Variants in ULK4 observed in about 807,000 individuals in gnomAD.
ULK4 encodes the protein inactive serine/threonine-protein kinase ULK4.
Under a neutral mutation model 160.6 loss-of-function variants are expected in ULK4, and 133 were observed. That is an observed-to-expected ratio of 0.83 (90% CI 0.72 to 0.96). ULK4 has a LOEUF of 0.96. Ranked by LOEUF, ULK4 falls within the 40% of genes least tolerant of loss-of-function variation. ULK4 has a pLI of 0.00. For synonymous variants in ULK4, 534 were observed against 539.8 expected, an observed-to-expected ratio of 0.99 and a Z score of 0.15; for missense variants, 1,580 against 1,499.5, an observed-to-expected ratio of 1.05 and a Z score of -0.89.
chr3:41,935,390 C>T (rs1418336086), intron 4 of ULK4, among the ~76,000 whole-genome samples: 3 of 151,930 alleles, frequency 2.0e-5, no homozygotes, highest in African/African-American at 7.3e-5. Flanking sequence ...CCACGCCCAG[C>T]TAAATTTGTA....
rs566283778 is a variant in ULK4 at position 41,373,034 on chromosome 3, G to C, written c.3678+25045C>G. ...CCTTTAAACAAACAACAACAAAAAAGACAATGAAGGGCATTATGTAATAGT... is the reference window on the plus strand; with the variant it reads ...CCTTTAAACAAACAACAACAAAAAACACAATGAAGGGCATTATGTAATAGT... On this transcript the variant is annotated intron_variant, in intron 35 of 36. Transcript: ENST00000301831. Among the ~76,000 whole-genome samples, 21 of 152,152 alleles carry C rather than the reference G, an allele frequency of 1.4e-4. No homozygotes were observed. In the East Asian group the frequency reaches 3.1e-3, roughly 22 times the overall value.
intron 34 of ULK4, among the ~76,000 whole-genome samples, chr3:41,401,777 AT>A (rs1251892761): frequency 1.3e-5 from 2 of 152,132 alleles, no homozygotes; most frequent in Non-Finnish European, 2.9e-5. Context: ...CAAGGGATAC[AT>A]TTGGCATACA....
At chr3:41,543,078 GT>G (rs1188093595) in intron 32 of ULK4, among the ~76,000 whole-genome samples, 2 of 152,068 alleles carry the variant, frequency 1.3e-5, no homozygotes, top group Non-Finnish European at 2.9e-5. Flanking sequence ...CCCAAAGCAA[GT>G]AATATTTTTC....
chr3:41,480,513 C>T (rs1390172448), intron 32 of ULK4, among the ~76,000 whole-genome samples: 1 of 152,106 alleles, frequency 6.6e-6, no homozygotes, highest in Non-Finnish European at 1.5e-5. Flanking sequence ...CCTCAGTCTA[C>T]TCAATGTGAA....
intron 32 of ULK4, among the ~76,000 whole-genome samples, chr3:41,496,543 G>A (rs1400698379): frequency 6.6e-6 from 1 of 152,042 alleles, no homozygotes; most frequent in Non-Finnish European, 1.5e-5. Context: ...GTAAGAGCTT[G>A]AAGTTGGAGT....
chr3:41,316,585 T>G (rs193301879), intron 35 of ULK4, among the ~76,000 whole-genome samples: 26 of 152,192 alleles, frequency 1.7e-4, no homozygotes, highest in Admixed American at 1.6e-3. Context: ...GGCATAAAGA[T>G]GGGAACAACA....
intron 34 of ULK4, among the ~76,000 whole-genome samples, chr3:41,445,082 GACAA>G (rs1339183248): frequency 1.3e-5 from 2 of 152,076 alleles, no homozygotes; most frequent in Admixed American, 1.3e-4. Context: ...ACCAATAACA[GACAA>G]ACAGAGAGCC....
intron 16 of ULK4, among the ~76,000 whole-genome samples, chr3:41,893,753 G>T (rs1353594909): frequency 6.6e-6 from 1 of 151,756 alleles, no homozygotes; most frequent in Non-Finnish European, 1.5e-5. Flanking sequence ...TTTACAATAC[G>T]TAATATATAT....
At chr3:41,595,028 A>C (rs566444243) in intron 31 of ULK4, among the ~76,000 whole-genome samples, 1 of 152,338 alleles carries the variant, frequency 6.6e-6, no homozygotes, top group Non-Finnish European at 1.5e-5. Flanking sequence ...AGGAAGGGCA[A>C]TGAGTGCAGG....
intron 29 of ULK4, among the ~76,000 whole-genome samples, chr3:41,666,523 C>T (rs925434031): frequency 5.9e-5 from 9 of 152,184 alleles, no homozygotes; most frequent in Non-Finnish European, 1.0e-4. Flanking sequence ...TCTTCCACTG[C>T]TTACCAGTAT....
At chr3:41,755,322 G>C (rs372374768) in intron 21 of ULK4, among the ~76,000 whole-genome samples, 1 of 151,972 alleles carries the variant, frequency 6.6e-6, no homozygotes, top group East Asian at 1.9e-4. Context: ...TTTCTATTTG[G>C]TGCTATGTTT....
chr3:41,374,836 G>A (rs1033706943), intron 35 of ULK4, among the ~76,000 whole-genome samples: 1 of 152,156 alleles, frequency 6.6e-6, no homozygotes, highest in African/African-American at 2.4e-5. Flanking sequence ...AGGAAGAGAG[G>A]AAGTCAAATT....
At chr3:41,376,618 T>A (rs1447303864) in intron 35 of ULK4, among the ~76,000 whole-genome samples, 1 of 145,528 alleles carries the variant, frequency 6.9e-6, no homozygotes, top group Non-Finnish European at 1.5e-5. Context: ...TGAACTCCCA[T>A]TCACAATTGC....
intron 36 of ULK4, 92 bp downstream of exon 36, chr3:41,249,397 G>GGAGGGAGAT (rs1315285016): frequency 8.4e-7 from 1 of 1,189,308 alleles, no homozygotes; most frequent in Non-Finnish European, 1.2e-6. Context: ...TCCCTGGTGT[G>GGAGGGAGAT]GAGGGAGATG....
intron 17 of ULK4, among the ~76,000 whole-genome samples, chr3:41,878,675 T>TAAAAAAAAAAAAAAA (rs33987084): frequency 2.1e-5 from 2 of 95,928 alleles, no homozygotes; most frequent in African/African-American, 8.1e-5. Context: ...TTAAAACTGT[T>TAAAAAAAAAAAAAAA]AAAAAAAAAA....
intron 27 of ULK4, among the ~76,000 whole-genome samples, chr3:41,684,128 C>A (rs139976423): frequency 6.6e-6 from 1 of 152,314 alleles, no homozygotes; most frequent in East Asian, 1.9e-4. Context: ...TCTTGTAATG[C>A]AGCTTGGCCC....
intron 32 of ULK4, among the ~76,000 whole-genome samples, chr3:41,496,758 C>A (rs376598389): frequency 1.1e-4 from 16 of 151,926 alleles, no homozygotes; most frequent in African/African-American, 3.9e-4. Context: ...CAAGGAGTTC[C>A]GACAATCCAG....
chr3:41,351,741 A>G (rs537910270), intron 35 of ULK4, among the ~76,000 whole-genome samples: 173 of 152,290 alleles, frequency 1.1e-3, no homozygotes, highest in South Asian at 0.011. Context: ...TGAGTCTCCA[A>G]GCAAGATGGG....
intron 22 of ULK4, among the ~76,000 whole-genome samples, chr3:41,736,141 A>G (rs565570126): frequency 0.01 from 1,565 of 151,482 alleles, 27 homozygotes; most frequent in African/African-American, 0.036. Flanking sequence ...GAATAATGCC[A>G]CAATAAACAT....
Sources: allele counts gnomAD v4.1 joint callset (sites outside exome capture counted in the v4.1 genomes callset), GRCh38; gene constraint gnomAD v4.1.1; transcripts MANE v1.5; gene names NCBI Gene and HGNC (gene_info 2026-07-23, HGNC 2026-07-21).